TEX14: variants seen among roughly 807,000 people sequenced by gnomAD.
TEX14 encodes testis expressed 14, intercellular bridge forming factor.
TEX14 carries 168 observed loss-of-function variants against 178.6 expected under a neutral mutation model. The ratio of observed to expected loss-of-function variants is 0.94; its 90% confidence interval spans 0.83 to 1.07. TEX14 has a LOEUF of 1.07. Among genes scored for constraint, TEX14 ranks in the 50% least tolerant of loss-of-function variants. TEX14 has a pLI of 0.00. For missense variants in TEX14, 1,730 were observed against 1,753.6 expected, an observed-to-expected ratio of 0.99 and a Z score of 0.24; for synonymous variants, 626 against 634.1, an observed-to-expected ratio of 0.99 and a Z score of 0.19.
rs2045367504 is a variant in TEX14 at position 58,599,236 on chromosome 17, G to A, written c.2109C>T (p.Leu703=). Residue 703 remains leucine (L), a synonymous_variant, in exon 14 of 32, where the codon CTC becomes CTT. Coordinates refer to ENST00000349033, the MANE Select transcript of TEX14 (RefSeq NM_031272.5). ...WDWQNGSLSS[L]SLPESTREAK... ...CTTCTCTGGTTGACTCAGGAAGGCT[G>A]AGTGAACTGAGTGAACCGTTTTGCC... 1.2e-6 allele frequency: 2 copies of A among 1,613,788 alleles called. No homozygotes were observed. Among genetic ancestry groups the A allele is most frequent in the Admixed American group, 1.7e-5 (1 of 59,990 alleles).
intron 11 of TEX14, among the ~76,000 whole-genome samples, chr17:58,603,682 G>A (rs893592385): frequency 6.6e-6 from 1 of 150,936 alleles, no homozygotes; most frequent in African/African-American, 2.4e-5. Flanking sequence ...GTGAAACCCC[G>A]TCTGTACTAA....
chr17:58,601,679 G>C, intron 13 of TEX14, 127 bp downstream of exon 13: 1 of 884,600 alleles, frequency 1.1e-6, no homozygotes, highest in Non-Finnish European at 1.8e-6. Context: ...GGGCAATAGA[G>C]CTAGACTTTA....
chr17:58,661,329 T>C (rs1257928101), intron 1 of TEX14: 1 of 877,588 alleles, frequency 1.1e-6, no homozygotes, highest in South Asian at 1.3e-5. Context: ...TGTTTCATGG[T>C]GAGGGCTCCT....
chr17:58,626,973 C>G (rs188876637), intron 3 of TEX14, among the ~76,000 whole-genome samples: 55 of 152,272 alleles, frequency 3.6e-4, no homozygotes, highest in Non-Finnish European at 6.3e-4. Flanking sequence ...TGCAGCCAAT[C>G]ATCAGATATT....
chr17:58,631,728 C>G (rs942570397), intron 2 of TEX14: 1 of 146,464 alleles, frequency 6.8e-6, no homozygotes, highest in Non-Finnish European at 1.5e-5. Context: ...TGCTATCCCA[C>G]TCGTGAGAGA....
chr17:58,601,817 A>T lies in TEX14; in HGVS notation c.1667T>A (p.Leu556Gln). The change falls in exon 13 of 32, where the codon CTA (leucine) becomes CAA (glutamine). Residue 556 changes from leucine (L) to glutamine (Q), a missense_variant. By Grantham distance (113) the Leu-to-Gln change is moderately radical. Coordinates refer to ENST00000349033, the MANE Select transcript of TEX14 (RefSeq NM_031272.5). ...AATTAAGGCCATACCCATTTCCTTT[A>T]GTTCTATGATTTCCATGTCAGGTGT... The part of the protein sequence containing the change: ...RETPDMEIIE[L>Q]KEMGSQPHSP... The T allele has an allele frequency of 6.2e-7, 1 of 1,612,770 alleles. No individual in the cohort carries two copies. Among genetic ancestry groups the T allele is most frequent in the African/African-American group, 1.3e-5 (1 of 74,992 alleles).
chr17:58,564,905 G>A lies in TEX14; in HGVS notation c.4028C>T (p.Ser1343Phe), dbSNP rs1289896852. 1 of 1,605,788 alleles carries A rather than the reference G, an allele frequency of 6.2e-7. No homozygotes were observed. The highest frequency in any genetic ancestry group is 8.5e-7 in the Non-Finnish European group (1 of 1,176,278). Residue 1343 changes from serine to phenylalanine, a missense_variant, in exon 28 of 32, where the codon TCC becomes TTC. By Grantham distance (155) the Ser-to-Phe change is radical. This residue lies in a region of TEX14 where 941 missense variants were observed against 1,072.4 expected (regional missense o/e 0.88). Coordinates refer to ENST00000349033, the MANE Select transcript of TEX14 (RefSeq NM_031272.5). ...SKKEDSSMLL[S>F]KETEDLGEDT... ...CTCTCCAAGATCTTCAGTTTCTTTG[G>A]ACAAAAGCATACTACTATCTTCTTT...
Position 58,586,158 on chromosome 17 carries a change from C to T in TEX14, c.2789-76G>A, listed in dbSNP as rs1263653090. 3.5e-6 allele frequency: 5 copies of T among 1,431,518 alleles called. No individual in the cohort carries two copies. The Admixed American group carries it at 8.7e-5, about 25-fold the overall frequency. 88.7% of individuals were successfully genotyped at this position (1,431,518 alleles called of 1,614,324 possible). A position where few individuals can be genotyped will look rare whatever the true frequency, so the allele number is the denominator to read the frequency against. ...CACAGGCTTTCATCTAAAAGAAATA[C>T]ATAATACTATTATAACTCATAGTGT... On this transcript the variant is annotated intron_variant, in intron 17 of 31. Transcript: ENST00000349033.
intron 10 of TEX14, among the ~76,000 whole-genome samples, chr17:58,610,628 G>C (rs192269433): frequency 6.6e-6 from 1 of 152,198 alleles, no homozygotes; most frequent in Admixed American, 6.5e-5. Flanking sequence ...GATCACACCT[G>C]TAATCCTAGC....
intron 2 of TEX14, 85 bp downstream of exon 2, chr17:58,651,780 TC>T (rs1183692995): frequency 4.6e-5 from 60 of 1,305,406 alleles, no homozygotes; most frequent in Non-Finnish European, 6.1e-5. Flanking sequence ...AAGGACTCAT[TC>T]ATACCTTTAT....
intron 1 of TEX14, among the ~76,000 whole-genome samples, chr17:58,689,973 C>T (rs2047665134): frequency 6.6e-6 from 1 of 151,682 alleles, no homozygotes; most frequent in Non-Finnish European, 1.5e-5. Flanking sequence ...CCTCAGCCTC[C>T]CGAGTAGCTG....
At chr17:58,661,370 T>C (rs1171929124) in intron 1 of TEX14, 1 of 923,186 alleles carries the variant, frequency 1.1e-6, no homozygotes, top group South Asian at 1.3e-5. Flanking sequence ...GTACTTCAGG[T>C]CGGTGGAAGT....
At chr17:58,577,860 T>C (rs188696568) in intron 20 of TEX14, among the ~76,000 whole-genome samples, 2 of 152,356 alleles carry the variant, frequency 1.3e-5, no homozygotes, top group East Asian at 3.9e-4. Flanking sequence ...GAACTCTAAC[T>C]ATGCCACTTG....
At position 58,598,897 on chromosome 17, in the gene TEX14, G is replaced by A. The variant is rs148685536; in HGVS notation, c.2448C>T (p.Thr816=). The change falls in exon 14 of 32, where the codon ACC becomes ACT. Residue 816 remains threonine (T), a synonymous_variant. Transcript: ENST00000349033. ...QKPDTSGNYP[T]LPRFPRMLPT... ...TTACCATTCTTGGAAATCTTGGTAG[G>A]GTTGGGTAGTTGCCACTGGTGTCTG... The A allele has an allele frequency of 6.6e-4, 1,061 of 1,610,648 alleles. 1 individual carries two copies. Among genetic ancestry groups the A allele is most frequent in the Non-Finnish European group, 8.5e-4 (996 of 1,178,506 alleles).
intron 2 of TEX14, chr17:58,631,861 A>T (rs444393): frequency 7.2e-5 from 11 of 152,104 alleles, no homozygotes; most frequent in South Asian, 2.1e-4. Context: ...TGCCTTCCAC[A>T]TGCGAAAGAA....
chr17:58,599,493 A>G lies in TEX14; in HGVS notation c.1852T>C (p.Cys618Arg), dbSNP rs1389760008. The G allele has an allele frequency of 1.9e-6, 3 of 1,605,570 alleles. No individual in the cohort carries two copies. Among genetic ancestry groups the G allele is most frequent in the Non-Finnish European group, 2.5e-6 (3 of 1,176,518 alleles). The change falls in exon 14 of 32, where the codon TGC (cysteine) becomes CGC (arginine). Residue 618 changes from cysteine (C) to arginine (R), a missense_variant. Physicochemically the swap from Cys to Arg is radical, Grantham distance 180. Transcript: ENST00000349033. ...TAGATCTCGTTGATTTCGAAACTGC[A>G]GAGGCTTGGCTGACCTGTGCTGGGG... The part of the protein sequence containing the change: ...SSPSTGQPSL[C>R]SFEINEIYSG...
chr17:58,591,713 G>GA (rs991621890), intron 15 of TEX14, among the ~76,000 whole-genome samples: 3,871 of 131,324 alleles, frequency 0.029, 116 homozygotes, highest in African/African-American at 0.085. Context: ...TTATCCACAG[G>GA]AAAAAAAAAA....
At chr17:58,691,499 T>G (rs1433498261) in intron 1 of TEX14, among the ~76,000 whole-genome samples, 2 of 151,436 alleles carry the variant, frequency 1.3e-5, no homozygotes, top group Non-Finnish European at 2.9e-5. Context: ...AAACCCCTTC[T>G]CTAATAATAA....
At chr17:58,630,356 A>C (rs2046258659) in intron 3 of TEX14, 84 bp downstream of exon 3, 2 of 1,104,198 alleles carry the variant, frequency 1.8e-6, no homozygotes, top group East Asian at 5.0e-5. Context: ...GCACCCGGCC[A>C]AACGTTTTTC....
Sources: gnomAD v4.1 joint callset for allele counts (sites outside exome capture counted in the v4.1 genomes callset) on GRCh38, gnomAD v4.1.1 for gene constraint, gnomAD v4.1.1 regional missense constraint, MANE v1.5 for transcripts, NCBI Gene and HGNC (gene_info 2026-07-23, HGNC 2026-07-21) for gene names.